The following TNC variants were observed in gnomAD, a reference collection of about 807,000 sequenced individuals.
TNC encodes tenascin C.
TNC carries 109 observed loss-of-function variants against 202.4 expected under a neutral mutation model. The observed-to-expected ratio is 0.54, with a 90% CI of 0.46 to 0.63. The LOEUF is 0.63. TNC is among the 30% of genes least tolerant of loss of function. The pLI, the probability that TNC is intolerant of heterozygous loss-of-function variation, is 0.00. For missense variants in TNC, 2,756 were observed against 2,833.3 expected (o/e 0.97, Z 0.62); for synonymous variants, 1,007 against 1,089.7 (o/e 0.92, Z 1.50).
intron 10 of TNC, among the ~76,000 whole-genome samples, chr9:115,066,116 T>A (rs995089157): frequency 6.6e-6 from 1 of 151,992 alleles, no homozygotes; most frequent in Non-Finnish European, 1.5e-5. Flanking sequence ...TGTTCCTTAA[T>A]AGAAAAAAGA....
chr9:115,036,569 G>A (rs1830351482), intron 20 of TNC, among the ~76,000 whole-genome samples: 1 of 152,058 alleles, frequency 6.6e-6, no homozygotes, highest in South Asian at 2.1e-4. Context: ...GGTCGGAGGG[G>A]ACATCCCCAA....
chr9:115,095,296 T>C (rs1305648669), intron 1 of TNC, among the ~76,000 whole-genome samples: 1 of 151,908 alleles, frequency 6.6e-6, no homozygotes, highest in Non-Finnish European at 1.5e-5. Flanking sequence ...CTTTAATGAA[T>C]GTTTTTCTTT....
chr9:115,078,077 G>T lies in TNC; in HGVS notation c.2540C>A (p.Thr847Asn). 1 of 1,614,216 alleles carries T rather than the reference G, an allele frequency of 6.2e-7. No homozygotes were observed. The highest frequency in any genetic ancestry group is 8.5e-7 in the Non-Finnish European group (1 of 1,180,034). Residue 847 changes from threonine (T) to asparagine (N), a missense_variant, in exon 7 of 28, where the codon ACC becomes AAC. By Grantham distance (65) the Thr-to-Asn change is moderately conservative (BLOSUM62 0). Coordinates refer to ENST00000350763, the MANE Select transcript of TNC (RefSeq NM_002160.4). Reference protein sequence around the residue: ...YGIKDVPGDRTTIDLTEDENQ... With the variant: ...YGIKDVPGDRNTIDLTEDENQ... ...CTCGTCCTCTGTGAGATCGATGGTGGTACGGTCTCCTGGCACGTCTTTGAT... is the reference window on the plus strand; with the variant it reads ...CTCGTCCTCTGTGAGATCGATGGTGTTACGGTCTCCTGGCACGTCTTTGAT...
intron 1 of TNC, among the ~76,000 whole-genome samples, chr9:115,094,222 A>G (rs1390809533): frequency 6.6e-6 from 1 of 152,010 alleles, no homozygotes; most frequent in Admixed American, 6.6e-5. Context: ...GGGGAACAAA[A>G]CCTAACAAGA....
chr9:115,066,247 G>A (rs182195313), intron 10 of TNC, among the ~76,000 whole-genome samples: 1 of 152,322 alleles, frequency 6.6e-6, no homozygotes, highest in Non-Finnish European at 1.5e-5. Context: ...TGACTTAAGG[G>A]AGATAATTTG....
At position 115,117,983 on chromosome 9, in the gene TNC, T is replaced by C. The variant is rs1191197268; in HGVS notation, c.-138A>G. ...GTGATGAGGGCAAAACAGACTTACC[T>C]TTCCGATGGGCGAGAGACCTAGGTC... On this transcript the variant is annotated splice_region_variant and 5_prime_UTR_variant, in exon 1 of 28. Transcript: ENST00000350763. The C allele has an allele frequency of 6.6e-6, 1 of 152,168 alleles. No individual in the cohort carries two copies. Among genetic ancestry groups the C allele is most frequent in the Non-Finnish European group, 1.5e-5 (1 of 68,030 alleles). The allele number at this position is 152,168 out of a possible 1,614,324, so 9.4% of individuals were successfully genotyped here. A position where few individuals can be genotyped will look rare whatever the true frequency, so the allele number is the denominator to read the frequency against.
chr9:115,029,234 T>C, intron 25 of TNC, 126 bp downstream of exon 25: 1 of 756,696 alleles, frequency 1.3e-6, no homozygotes, highest in Admixed American at 2.5e-5. Context: ...TGACATTCTG[T>C]GTCTGCCACC....
At position 115,099,934 on chromosome 9, in the gene TNC, G is replaced by A. The variant is rs545393300; in HGVS notation, c.-136-8780C>T. Reference sequence around the variant, plus strand: ...ACTCTAAAATTTTTAGGAAAATGAGGAGGCTGTGGCTACAGCCCTGGTTTT... The same window carrying A: ...ACTCTAAAATTTTTAGGAAAATGAGAAGGCTGTGGCTACAGCCCTGGTTTT... On this transcript the variant is annotated intron_variant, in intron 1 of 27. Transcript: ENST00000350763. Among the ~76,000 whole-genome samples, 114 of 152,298 alleles carry A rather than the reference G, an allele frequency of 7.5e-4. 2 individuals carry two copies. In the South Asian group the frequency reaches 0.014, roughly 19 times the overall value.
At chr9:115,075,995 C>A (rs78489911) in intron 9 of TNC, 37 bp downstream of exon 9, 2 of 1,584,202 alleles carry the variant, frequency 1.3e-6, no homozygotes, top group Admixed American at 3.3e-5. Flanking sequence ...CTGCCCAGCA[C>A]CAGCTCAGTG....
chr9:115,093,864 G>C (rs920775449), intron 1 of TNC, among the ~76,000 whole-genome samples: 1 of 152,096 alleles, frequency 6.6e-6, no homozygotes, highest in African/African-American at 2.4e-5. Context: ...TGCATCGTTG[G>C]GGGAAAGAGT....
chr9:115,066,991 T>C (rs1833004601), intron 10 of TNC, among the ~76,000 whole-genome samples: 1 of 152,218 alleles, frequency 6.6e-6, no homozygotes, highest in South Asian at 2.1e-4. Context: ...TAACCCCGAC[T>C]CATATCCTAA....
Position 115,073,817 on chromosome 9 carries a change from G to T in TNC, c.3000C>A (p.Ser1000Arg), listed in dbSNP as rs1325122005. Residue 1000 changes from serine to arginine, a missense_variant, in exon 10 of 28, where the codon AGC becomes AGA. By Grantham distance (110) the Ser-to-Arg change is moderately radical. Coordinates refer to ENST00000350763, the MANE Select transcript of TNC (RefSeq NM_002160.4). ...DLQVSETAET[S>R]LTLLWKTPLA... ...ACGGTGTCTTCCAGAGCAGGGTCAG[G>T]CTGGTCTCTGCAGTTTCAGAAACCT... 3 of 1,613,650 alleles carry T rather than the reference G, an allele frequency of 1.9e-6. No individual in the cohort carries two copies. Among genetic ancestry groups the T allele is most frequent in the African/African-American group, 1.3e-5 (1 of 75,032 alleles).
Position 115,019,700 on chromosome 9 carries a change from A to G in TNC, c.*1457T>C, listed in dbSNP as rs1193046945. The G allele has an allele frequency of 6.6e-6, 1 of 152,258 alleles. No individual in the cohort carries two copies. Among genetic ancestry groups the G allele is most frequent in the Non-Finnish European group, 1.5e-5 (1 of 68,046 alleles). 9.4% of individuals were successfully genotyped at this position (152,258 alleles called of 1,614,324 possible). ...GCTAACATGTACTAGCACTTAATATACACCGGGTACCATTCTAAGGGCCTC... is the reference window on the plus strand; with the variant it reads ...GCTAACATGTACTAGCACTTAATATGCACCGGGTACCATTCTAAGGGCCTC... On this transcript the variant is annotated 3_prime_UTR_variant, in exon 28 of 28. Coordinates refer to ENST00000350763, the MANE Select transcript of TNC (RefSeq NM_002160.4).
At chr9:115,067,643 A>AAT (rs1460584124) in intron 10 of TNC, among the ~76,000 whole-genome samples, 1 of 152,166 alleles carries the variant, frequency 6.6e-6, no homozygotes, top group Non-Finnish European at 1.5e-5. Flanking sequence ...TCCTAATGAG[A>AAT]ATCATCTTAT....
Position 115,048,305 on chromosome 9 carries a change from T to G in TNC, c.4807A>C (p.Thr1603Pro), listed in dbSNP as rs769061847. ...IGYEVMVSGF[T>P]QGHQTKPLRA... ...AAGGGCTTGGTTTGATGCCCTTGGGTGAAGCCAGAGACCATAACCTCATAG... is the reference window on the plus strand; with the variant it reads ...AAGGGCTTGGTTTGATGCCCTTGGGGGAAGCCAGAGACCATAACCTCATAG... The change falls in exon 16 of 28, where the codon ACC (threonine) becomes CCC (proline). Residue 1603 changes from threonine (T) to proline (P), a missense_variant. Thr to Pro is a conservative substitution (Grantham distance 38, BLOSUM62 -1). Transcript: ENST00000350763. The G allele has an allele frequency of 9.3e-6, 15 of 1,614,056 alleles. No homozygotes were observed. The South Asian group carries it at 1.6e-4, about 18-fold the overall frequency.
chr9:115,061,881 G>A (rs578121569), intron 13 of TNC, among the ~76,000 whole-genome samples: 1 of 152,266 alleles, frequency 6.6e-6, no homozygotes, highest in Non-Finnish European at 1.5e-5. Flanking sequence ...TTCCCAAATT[G>A]AATGAAAAGC....
intron 1 of TNC, among the ~76,000 whole-genome samples, chr9:115,100,521 G>C (rs930729417): frequency 1.2e-4 from 18 of 152,196 alleles, no homozygotes; most frequent in African/African-American, 4.3e-4. Flanking sequence ...TAGCTAATCA[G>C]TGGTGACTTT....
At chr9:115,104,835 A>G (rs891086916) in intron 1 of TNC, among the ~76,000 whole-genome samples, 1 of 152,176 alleles carries the variant, frequency 6.6e-6, no homozygotes, top group African/African-American at 2.4e-5. Flanking sequence ...CAACTCAAAG[A>G]GCTGACATAG....
chr9:115,046,020 A>T (rs1036902780), intron 17 of TNC, among the ~76,000 whole-genome samples: 1 of 152,080 alleles, frequency 6.6e-6, no homozygotes, highest in Admixed American at 6.6e-5. Context: ...ATATGATATG[A>T]TGAGATGAGA....
Sources: gnomAD v4.1 joint callset for allele counts (sites outside exome capture counted in the v4.1 genomes callset) on GRCh38, gnomAD v4.1.1 for gene constraint, MANE v1.5 for transcripts, NCBI Gene and HGNC (gene_info 2026-07-23, HGNC 2026-07-21) for gene names.